Variants in TRIO observed in about 807,000 individuals in gnomAD.
TRIO encodes trio Rho guanine nucleotide exchange factor.
TRIO carries 58 observed loss-of-function variants against 351.9 expected under a neutral mutation model. The observed-to-expected ratio is 0.16, with a 90% CI of 0.13 to 0.21. The LOEUF is 0.21. TRIO is among the 10% of genes least tolerant of loss of function. The probability of loss-of-function intolerance (pLI) is 1.00; values close to 1 mark genes in which losing one functional copy is unlikely to be tolerated. For missense variants in TRIO, 3,201 were observed against 4,027.8 expected (o/e 0.79, Z 5.56); for synonymous variants, 1,758 against 1,595.7 (o/e 1.10, Z -2.42).
rs538173425 is a variant in TRIO at position 14,412,561 on chromosome 5, G to A, written c.4959+5889G>A. On this transcript the variant is annotated intron_variant, in intron 33 of 56. Transcript: ENST00000344204. ...CCACATGGAAGGCGTAGGGCTGCTCGGCCAGGCACAGAGGTGTCCTACACC... is the reference window on the plus strand; with the variant it reads ...CCACATGGAAGGCGTAGGGCTGCTCAGCCAGGCACAGAGGTGTCCTACACC... Among the ~76,000 whole-genome samples the A allele has an allele frequency of 9.9e-5, 15 of 152,222 alleles. No individual in the cohort carries two copies. In the South Asian group the frequency reaches 1.9e-3, roughly 19 times the overall value.
chr5:14,402,718 G>T (rs1748186508), intron 31 of TRIO, among the ~76,000 whole-genome samples: 1 of 151,974 alleles, frequency 6.6e-6, no homozygotes, highest in Non-Finnish European at 1.5e-5. Flanking sequence ...ACAGATGGTG[G>T]CAGTGGTGTA....
intron 33 of TRIO, among the ~76,000 whole-genome samples, chr5:14,410,833 C>T (rs924245411): frequency 6.6e-6 from 1 of 152,190 alleles, no homozygotes; most frequent in Non-Finnish European, 1.5e-5. Context: ...GCGGGGTTAG[C>T]CAGGCCACGG....
chr5:14,190,761 TAA>T (rs1308809499), intron 1 of TRIO, among the ~76,000 whole-genome samples: 1 of 151,450 alleles, frequency 6.6e-6, no homozygotes, highest in East Asian at 1.9e-4. Flanking sequence ...CTGACTAAAT[TAA>T]AAAAAAATCC....
chr5:14,308,719 G>GTGCA (rs1554052771), intron 8 of TRIO, among the ~76,000 whole-genome samples: 4 of 124,990 alleles, frequency 3.2e-5, no homozygotes, highest in African/African-American at 1.5e-4. Flanking sequence ...CCATTCATTT[G>GTGCA]TCCATCCATC....
chr5:14,262,219 C>T (rs1020988828), intron 1 of TRIO, among the ~76,000 whole-genome samples: 2 of 151,340 alleles, frequency 1.3e-5, no homozygotes, highest in East Asian at 1.9e-4. Context: ...CCCTGCAGTG[C>T]GATAAGGATT....
At chr5:14,316,784 G>A in intron 9 of TRIO, 41 bp downstream of exon 9, 1 of 1,565,816 alleles carries the variant, frequency 6.4e-7, no homozygotes, top group African/African-American at 1.4e-5. Flanking sequence ...GAAATGGCTT[G>A]TGTTGAGTAG....
intron 30 of TRIO, among the ~76,000 whole-genome samples, chr5:14,400,034 T>TC (rs1256900758): frequency 6.6e-6 from 1 of 152,228 alleles, no homozygotes; most frequent in Non-Finnish European, 1.5e-5. Context: ...TGTCCCCGAG[T>TC]ATGGAAATCA....
intron 31 of TRIO, among the ~76,000 whole-genome samples, chr5:14,402,662 G>A (rs1050194391): frequency 3.3e-5 from 5 of 151,976 alleles, no homozygotes; most frequent in Non-Finnish European, 7.4e-5. Context: ...GAGGGTAAGG[G>A]TGTAGAGGAA....
chr5:14,411,030 C>G (rs1424990443), intron 33 of TRIO, among the ~76,000 whole-genome samples: 2 of 152,198 alleles, frequency 1.3e-5, no homozygotes, highest in African/African-American at 4.8e-5. Flanking sequence ...TTTCCAGATT[C>G]TTATCTCATC....
chr5:14,181,086 T>A (rs999511623), intron 1 of TRIO, among the ~76,000 whole-genome samples: 1 of 39,140 alleles, frequency 2.6e-5, no homozygotes. Context: ...AATACTACAA[T>A]GTATTTTTTT....
Position 14,207,318 on chromosome 5 carries a change from TCACACACACACA to T in TRIO, c.157+63469_158-63463del, listed in dbSNP as rs371912129. On this transcript the variant is annotated intron_variant, in intron 1 of 56. Coordinates refer to ENST00000344204, the MANE Select transcript of TRIO (RefSeq NM_007118.4). Reference sequence around the variant, plus strand: ...CCAGGTAGCATAGCAAGACTGTCTCTCACACACACACACACACACACACACACACACACACAC... The same window carrying T: ...CCAGGTAGCATAGCAAGACTGTCTCTCACACACACACACACACACACACAC... Among the ~76,000 whole-genome samples, 16 of 11,064 alleles carry T rather than the reference TCACACACACACA, an allele frequency of 1.4e-3. 2 individuals are homozygous for T. Among genetic ancestry groups the T allele is most frequent in the Middle Eastern group, 0.029 (1 of 34 alleles). 7.3% of individuals were successfully genotyped at this position (11,064 alleles called of 152,430 possible).
intron 3 of TRIO, among the ~76,000 whole-genome samples, chr5:14,282,867 T>C (rs1301734430): frequency 6.6e-6 from 1 of 152,174 alleles, no homozygotes; most frequent in Non-Finnish European, 1.5e-5. Context: ...GCCATTTTGC[T>C]TGTCCTCGAT....
chr5:14,244,017 C>T (rs999490020), intron 1 of TRIO, among the ~76,000 whole-genome samples: 23 of 152,234 alleles, frequency 1.5e-4, no homozygotes, highest in African/African-American at 5.3e-4. Flanking sequence ...CTGTGCAGCT[C>T]AGCCGCTGCT....
chr5:14,273,062 A>G (rs975989218), intron 2 of TRIO, among the ~76,000 whole-genome samples: 3 of 152,114 alleles, frequency 2.0e-5, no homozygotes, highest in Non-Finnish European at 2.9e-5. Flanking sequence ...GAACCTTTTC[A>G]TCACCTCCCA....
intron 48 of TRIO, chr5:14,488,789 G>A (rs1756245298): frequency 3.4e-6 from 2 of 593,968 alleles, no homozygotes; most frequent in Non-Finnish European, 6.0e-6. Flanking sequence ...AAAAATGGGG[G>A]GAAAGAATCT....
chr5:14,220,049 C>CTT lies in TRIO; in HGVS notation c.158-50762_158-50761dup, dbSNP rs35237881. Among the ~76,000 whole-genome samples the CTT allele has an allele frequency of 7.0e-3, 662 of 94,816 alleles. 7 individuals are homozygous for CTT. The highest frequency in any genetic ancestry group is 0.021 in the African/African-American group (632 of 30,802). 62.2% of individuals were successfully genotyped at this position (94,816 alleles called of 152,430 possible). The stretch of plus-strand genomic sequence containing the variant: ...TTTTTTTCTTCTTCCTCTTCTTCTT[C>CTT]TTTTTTTTTTTTTTTAAAAACAAAT... On this transcript the variant is annotated intron_variant, in intron 1 of 56. Transcript: ENST00000344204.
Position 14,473,246 on chromosome 5 carries a change from C to T in TRIO, c.5979+588C>T, listed in dbSNP as rs562965677. On this transcript the variant is annotated intron_variant, in intron 39 of 56. Transcript: ENST00000344204. ...CTAGGCTAATCCCTGCCAGTCAATTCGGGGATTAGTGAGATTAAGAAACTC... is the reference window on the plus strand; with the variant it reads ...CTAGGCTAATCCCTGCCAGTCAATTTGGGGATTAGTGAGATTAAGAAACTC... Among the ~76,000 whole-genome samples, 18 of 152,248 alleles carry T rather than the reference C, an allele frequency of 1.2e-4. No individual in the cohort carries two copies. In the South Asian group the frequency reaches 2.1e-3, roughly 18 times the overall value.
At chr5:14,228,180 T>A (rs1257728064) in intron 1 of TRIO, among the ~76,000 whole-genome samples, 2 of 152,184 alleles carry the variant, frequency 1.3e-5, no homozygotes, top group East Asian at 3.8e-4. Context: ...TACTGCCTGG[T>A]TAGGCTTGGG....
Position 14,496,753 on chromosome 5 carries a change from C to T in TRIO, c.7881-126C>T, listed in dbSNP as rs552767645. 96 of 1,258,454 alleles carry T rather than the reference C, an allele frequency of 7.6e-5. No homozygotes were observed. In the South Asian group the frequency reaches 1.3e-3, roughly 17 times the overall value. 78.0% of individuals were successfully genotyped at this position (1,258,454 alleles called of 1,614,324 possible). A position where few individuals can be genotyped will look rare whatever the true frequency, so the allele number is the denominator to read the frequency against. On this transcript the variant is annotated intron_variant, in intron 49 of 56. Transcript: ENST00000344204. ...ATTTTCTCTAACAGAGGTCACAGTT[C>T]GTAGAGGATTTCCCATCCCCCTGCA...
Sources: allele counts gnomAD v4.1 joint callset (sites outside exome capture counted in the v4.1 genomes callset), GRCh38; gene constraint gnomAD v4.1.1; transcripts MANE v1.5; gene names NCBI Gene and HGNC (gene_info 2026-07-23, HGNC 2026-07-21).